Variants in PCTP observed in about 807,000 individuals in gnomAD.
PCTP encodes phosphatidylcholine transfer protein.
A neutral mutation model predicts 31.0 loss-of-function variants in PCTP; 27 were observed. The ratio of observed to expected loss-of-function variants is 0.87; its 90% confidence interval spans 0.64 to 1.20. PCTP has a LOEUF of 1.20. Ranked by LOEUF, PCTP falls within the 50% of genes most tolerant of loss-of-function variation. The pLI is 0.00. For missense variants in PCTP, 287 were observed against 268.2 expected (o/e 1.07, Z -0.49); for synonymous variants, 108 against 101.2 (o/e 1.07, Z -0.40).
At chr17:55,829,464 C>A (rs1905522283) in intron 5 of PCTP, among the ~76,000 whole-genome samples, 1 of 152,072 alleles carries the variant, frequency 6.6e-6, no homozygotes, top group Non-Finnish European at 1.5e-5. Context: ...AATGCCACCA[C>A]ACCCAGCTAA....
intron 5 of PCTP, among the ~76,000 whole-genome samples, chr17:55,838,154 C>T (rs544991862): frequency 2.7e-4 from 41 of 151,264 alleles, no homozygotes; most frequent in East Asian, 2.3e-3. Flanking sequence ...CAAAAGAGAA[C>T]AAAAAAATGC....
downstream of PCTP, among the ~76,000 whole-genome samples, chr17:55,824,245 C>G (rs919600582): frequency 4.6e-5 from 7 of 152,066 alleles, no homozygotes; most frequent in Admixed American, 6.5e-5. Flanking sequence ...ACAAAGACCT[C>G]CGAGAGTGTA....
At chr17:55,753,400 GATTTCTTATAATTCAGGTGCT>G (rs1909819388) in intron 1 of PCTP, among the ~76,000 whole-genome samples, 2 of 152,152 alleles carry the variant, frequency 1.3e-5, no homozygotes, top group African/African-American at 4.8e-5. Context: ...TTTATTGCAT[GATTTCTTATAATTCAGGTGCT>G]AAGTGTTTTG....
downstream of PCTP, among the ~76,000 whole-genome samples, chr17:55,825,272 A>C (rs1905358991): frequency 6.6e-6 from 1 of 152,172 alleles, no homozygotes; most frequent in Non-Finnish European, 1.5e-5. Flanking sequence ...TTCCCTTTAA[A>C]ATTTTGTGAG....
At chr17:55,804,058 A>G (rs467984) in intron 3 of PCTP, among the ~76,000 whole-genome samples, 4 of 152,242 alleles carry the variant, frequency 2.6e-5, no homozygotes, top group Non-Finnish European at 4.4e-5. Flanking sequence ...AAGTATATGA[A>G]CAGACACTTC....
chr17:55,786,037 C>G (rs1248013301), intron 2 of PCTP, among the ~76,000 whole-genome samples: 3 of 152,196 alleles, frequency 2.0e-5, no homozygotes, highest in Non-Finnish European at 4.4e-5. Flanking sequence ...AATCCCAACA[C>G]TTTGGGGGGC....
chr17:55,834,242 G>C (rs904739843), intron 5 of PCTP, among the ~76,000 whole-genome samples: 2 of 151,970 alleles, frequency 1.3e-5, no homozygotes, highest in Middle Eastern at 3.2e-3. Flanking sequence ...GGATGTGAAG[G>C]CTTGTTACAT....
At chr17:55,816,747 G>A (rs1912928888) in intron 3 of PCTP, among the ~76,000 whole-genome samples, 1 of 152,178 alleles carries the variant, frequency 6.6e-6, no homozygotes, top group Non-Finnish European at 1.5e-5. Context: ...TTATAAGTTG[G>A]CACACCACGG....
intron 5 of PCTP, among the ~76,000 whole-genome samples, chr17:55,840,859 A>G (rs1032225898): frequency 1.3e-5 from 2 of 152,248 alleles, no homozygotes; most frequent in African/African-American, 4.8e-5. Flanking sequence ...AGCATTTTAG[A>G]TTCTGGATTT....
At chr17:55,788,564 T>A (rs1047154565) in intron 3 of PCTP, among the ~76,000 whole-genome samples, 5 of 152,210 alleles carry the variant, frequency 3.3e-5, no homozygotes, top group Admixed American at 2.6e-4. Context: ...TATGATCCAG[T>A]ATTTACATAT....
chr17:55,825,030 A>G (rs1257515539), downstream of PCTP, among the ~76,000 whole-genome samples: 1 of 152,220 alleles, frequency 6.6e-6, no homozygotes, highest in African/African-American at 2.4e-5. Flanking sequence ...AATGGCTCTT[A>G]CGTTAAGAAG....
intron 1 of PCTP, among the ~76,000 whole-genome samples, chr17:55,762,789 G>A (rs959786251): frequency 5.9e-5 from 9 of 152,112 alleles, no homozygotes; most frequent in Admixed American, 5.2e-4. Flanking sequence ...AAGTCACACG[G>A]CTACCTCTCC....
intron 3 of PCTP, among the ~76,000 whole-genome samples, chr17:55,807,442 G>A (rs1479574557): frequency 1.3e-5 from 2 of 152,138 alleles, no homozygotes; most frequent in Non-Finnish European, 2.9e-5. Flanking sequence ...GTTAAACATG[G>A]ACTCTCCTTC....
chr17:55,828,727 A>C (rs1287692492), intron 5 of PCTP, among the ~76,000 whole-genome samples: 10 of 152,208 alleles, frequency 6.6e-5, no homozygotes, highest in Admixed American at 6.5e-4. Flanking sequence ...GATGGAGCCC[A>C]GTAGTAAGAG....
rs962747817 is a variant in PCTP, at chr17:55,816,335, A to C, written c.318-6426A>C. On this transcript the variant is annotated intron_variant, in intron 3 of 3. Coordinates refer to the PCTP transcript ENST00000572536. ...TATGAAATTGTCTGGATATTTCTCT[A>C]TGAAATATTCTGGATATTTCATACA... 2.6e-5 allele frequency among the ~76,000 whole-genome samples: 4 copies of C among 152,226 alleles called. No homozygotes were observed. In the South Asian group the frequency reaches 8.3e-4, roughly 32 times the overall value.
At chr17:55,766,028 A>G (rs1910627534) in intron 1 of PCTP, among the ~76,000 whole-genome samples, 1 of 152,194 alleles carries the variant, frequency 6.6e-6, no homozygotes, top group Non-Finnish European at 1.5e-5. Flanking sequence ...ACCTGATTAC[A>G]TAGATGTCCT....
chr17:55,815,242 A>G (rs950304262), intron 3 of PCTP, among the ~76,000 whole-genome samples: 1 of 152,250 alleles, frequency 6.6e-6, no homozygotes, highest in Non-Finnish European at 1.5e-5. Flanking sequence ...AATACACTTG[A>G]TAATTTTGCT....
downstream of PCTP, among the ~76,000 whole-genome samples, chr17:55,778,017 G>C (rs776854647): frequency 1.3e-5 from 2 of 152,128 alleles, no homozygotes; most frequent in Non-Finnish European, 2.9e-5. Flanking sequence ...AATTTGCTAA[G>C]AACTCTGAAA....
chr17:55,834,400 T>G (rs919159526), intron 5 of PCTP, among the ~76,000 whole-genome samples: 1 of 152,092 alleles, frequency 6.6e-6, no homozygotes, highest in South Asian at 2.1e-4. Flanking sequence ...CCCCTCCCTG[T>G]GTCAAAACTG....
Sources: allele counts gnomAD v4.1 joint callset (sites outside exome capture counted in the v4.1 genomes callset), GRCh38; gene constraint gnomAD v4.1.1; transcripts MANE v1.5; gene names NCBI Gene and HGNC (gene_info 2026-07-23, HGNC 2026-07-21).